BUB1: variants seen among roughly 807,000 people sequenced by gnomAD.
BUB1 encodes BUB1 mitotic checkpoint serine/threonine kinase, also known as mitotic checkpoint serine/threonine-protein kinase BUB1.
Under a neutral mutation model 135.2 loss-of-function variants are expected in BUB1, and 84 were observed. The ratio of observed to expected loss-of-function variants is 0.62; its 90% confidence interval spans 0.52 to 0.74. BUB1 has a LOEUF of 0.74. BUB1 is among the 30% of genes least tolerant of loss of function. The pLI is 0.00. For missense variants in BUB1, 1,162 were observed against 1,288.3 expected (o/e 0.90, Z 1.50); for synonymous variants, 403 against 434.4 (o/e 0.93, Z 0.90).
rs911332436 is a variant in BUB1 at position 110,657,536 on chromosome 2, A to AT, written c.1616+9dup. 5.0e-6 allele frequency: 8 copies of AT among 1,585,814 alleles called. No individual in the cohort carries two copies. Among genetic ancestry groups the AT allele is most frequent in the African/African-American group, 1.4e-5 (1 of 73,626 alleles). ...GGCAGCATCCCATTAACTAGATGGTATTTTTTTACCCATAATTTTCTTTGT... is the reference window on the plus strand; with the variant it reads ...GGCAGCATCCCATTAACTAGATGGTATTTTTTTTACCCATAATTTTCTTTGT... On this transcript the variant is annotated intron_variant, in intron 14 of 24. Coordinates refer to ENST00000302759, the MANE Select transcript of BUB1 (RefSeq NM_004336.5).
At position 110,649,389 on chromosome 2, in the gene BUB1, G is replaced by GAA. The variant is rs370657659; in HGVS notation, c.2204-13_2204-12insTT. 10 of 1,301,144 alleles carry GAA rather than the reference G, an allele frequency of 7.7e-6. No homozygotes were observed. Among genetic ancestry groups the GAA allele is most frequent in the South Asian group, 4.2e-5 (2 of 47,498 alleles). The allele number at this position is 1,301,144 out of a possible 1,614,324, so 80.6% of individuals were successfully genotyped here. A position where few individuals can be genotyped will look rare whatever the true frequency, so the allele number is the denominator to read the frequency against. On this transcript the variant is annotated splice_polypyrimidine_tract_variant and intron_variant, in intron 18 of 24. Coordinates refer to ENST00000302759, the MANE Select transcript of BUB1 (RefSeq NM_004336.5). ...CCCAACAATGAAGTCTTAAAGGAAT[G>GAA]AGAAAAAAAAAAAAAAAGGGAACAT...
In BUB1 at chr2:110,669,353, G is replaced by C. The variant is rs1574334029; in HGVS notation, c.567+100C>G. The C allele has an allele frequency of 1.6e-5, 13 of 831,644 alleles. No homozygotes were observed. In the East Asian group the frequency reaches 3.0e-4, roughly 19 times the overall value. The allele number at this position is 831,644 out of a possible 1,614,324, so 51.5% of individuals were successfully genotyped here. On this transcript the variant is annotated intron_variant, in intron 6 of 24. Transcript: ENST00000302759. Reference sequence around the variant, plus strand: ...TGGAGCTCAGAGCCATGAAGAGAAAGATCAAAGAAATGAGATGTCAAAGTG... The same window carrying C: ...TGGAGCTCAGAGCCATGAAGAGAAACATCAAAGAAATGAGATGTCAAAGTG...
At chr2:110,645,370 G>A (rs1424607755) in intron 19 of BUB1, among the ~76,000 whole-genome samples, 2 of 151,510 alleles carry the variant, frequency 1.3e-5, no homozygotes, top group Non-Finnish European at 1.5e-5. Context: ...GGAGGCGGAG[G>A]TGGCAATGAG....
intron 14 of BUB1, 30 bp downstream of exon 14, chr2:110,657,516 C>G: frequency 1.3e-6 from 2 of 1,530,570 alleles, no homozygotes; most frequent in Non-Finnish European, 8.9e-7. Context: ...AACTCGGCAG[C>G]ATCCCATTAA....
chr2:110,670,792 T>C (rs1690399123), intron 4 of BUB1, among the ~76,000 whole-genome samples: 1 of 152,228 alleles, frequency 6.6e-6, no homozygotes, highest in Admixed American at 6.5e-5. Flanking sequence ...TTCCTCCTTT[T>C]GCTTAGTTTA....
At chr2:110,657,670 C>A in intron 13 of BUB1, 25 bp from the exon 14 acceptor site, 1 of 1,497,112 alleles carries the variant, frequency 6.7e-7, no homozygotes, top group Non-Finnish European at 9.0e-7. Context: ...AAAATAGCAT[C>A]TAATTATTGT....
chr2:110,667,231 T>C (rs567315396), intron 8 of BUB1, among the ~76,000 whole-genome samples: 1 of 152,350 alleles, frequency 6.6e-6, no homozygotes, highest in South Asian at 2.1e-4. Context: ...CTTTCAACTA[T>C]GAGTTTGCTG....
intron 19 of BUB1, among the ~76,000 whole-genome samples, chr2:110,646,069 C>T (rs1689638095): frequency 6.7e-6 from 1 of 149,596 alleles, no homozygotes; most frequent in Non-Finnish European, 1.5e-5. Context: ...TGGTGGCTCA[C>T]ACCTGTAATC....
At chr2:110,642,041 A>G in intron 20 of BUB1, 78 bp downstream of exon 20, 5 of 1,193,932 alleles carry the variant, frequency 4.2e-6, no homozygotes, top group East Asian at 2.6e-5. Context: ...CACTATCTTA[A>G]AGAAAAAAAA....
chr2:110,663,074 T>C (rs945446277), intron 9 of BUB1, among the ~76,000 whole-genome samples: 1 of 151,318 alleles, frequency 6.6e-6, no homozygotes, highest in African/African-American at 2.4e-5. Context: ...AGGTCAGGAG[T>C]TCACGATCAG....
intron 10 of BUB1, chr2:110,661,301 G>A (rs1690075610): frequency 2.5e-6 from 1 of 392,554 alleles, no homozygotes; most frequent in East Asian, 5.0e-5. Context: ...CCTAACAGCT[G>A]TATATTCTTC....
intron 19 of BUB1, among the ~76,000 whole-genome samples, chr2:110,644,571 G>A (rs1689595583): frequency 6.8e-6 from 1 of 147,922 alleles, no homozygotes; most frequent in Non-Finnish European, 1.5e-5. Context: ...GAAGCTTAGA[G>A]AGCACCAAGC....
chr2:110,638,481 C>A (rs899167955), intron 24 of BUB1, among the ~76,000 whole-genome samples: 1 of 152,178 alleles, frequency 6.6e-6, no homozygotes, highest in Non-Finnish European at 1.5e-5. Context: ...ACATACAATA[C>A]TGCTAGAATT....
At chr2:110,643,775 G>T (rs1441565621) in intron 19 of BUB1, among the ~76,000 whole-genome samples, 1 of 152,060 alleles carries the variant, frequency 6.6e-6, no homozygotes, top group African/African-American at 2.4e-5. Flanking sequence ...AAAGTGGTGG[G>T]ATTATAGGAA....
At chr2:110,645,536 C>T (rs1163304734) in intron 19 of BUB1, among the ~76,000 whole-genome samples, 4 of 151,580 alleles carry the variant, frequency 2.6e-5, no homozygotes, top group Non-Finnish European at 5.9e-5. Flanking sequence ...TCTGACAGAG[C>T]AGACTTCAGA....
rs141293590 is a variant in BUB1 at position 110,641,786 on chromosome 2, G to C, written c.2481C>G (p.Asn827Lys). 1 of 1,605,854 alleles carries C rather than the reference G, an allele frequency of 6.2e-7. No homozygotes were observed. Among genetic ancestry groups the C allele is most frequent in the Middle Eastern group, 1.7e-4 (1 of 6,052 alleles). Residue 827 changes from asparagine to lysine, a missense_variant, in exon 21 of 25, where the codon AAC (asparagine) becomes AAG (lysine). Transcript: ENST00000302759. Reference sequence around the variant, plus strand: ...GGGTCCCAATGTAGAATTCCCAGGGGTTGGCAGGCTTTTGGACCTGCAAAT... The same window carrying C: ...GGGTCCCAATGTAGAATTCCCAGGGCTTGGCAGGCTTTTGGACCTGCAAAT... ...KFVLKVQKPA[N>K]PWEFYIGTQL...
At chr2:110,657,701 A>T in intron 13 of BUB1, 56 bp from the exon 14 acceptor site, 1 of 1,253,022 alleles carries the variant, frequency 8.0e-7, no homozygotes, top group Non-Finnish European at 1.1e-6. Flanking sequence ...AACATCCTTT[A>T]TATTAAACTT....
intron 19 of BUB1, among the ~76,000 whole-genome samples, chr2:110,645,580 C>CGTGTAT (rs973100487): frequency 2.1e-5 from 3 of 145,166 alleles, no homozygotes; most frequent in African/African-American, 8.2e-5. Flanking sequence ...AATGGCGTTA[C>CGTGTAT]GTGTATGTGT....
intron 8 of BUB1, among the ~76,000 whole-genome samples, chr2:110,667,011 C>T (rs753951248): frequency 1.6e-4 from 24 of 152,034 alleles, no homozygotes; most frequent in Non-Finnish European, 3.2e-4. Context: ...TGTTGTCAAC[C>T]GAGTATGAAA....
Sources: gnomAD v4.1 joint callset for allele counts (sites outside exome capture counted in the v4.1 genomes callset) on GRCh38, gnomAD v4.1.1 for gene constraint, MANE v1.5 for transcripts, NCBI Gene and HGNC (gene_info 2026-07-23, HGNC 2026-07-21) for gene names.